The following FOXP1 variants were observed in gnomAD, a reference collection of about 807,000 sequenced individuals.
The protein encoded by FOXP1 is forkhead box protein P1.
FOXP1 carries 15 observed loss-of-function variants against 98.2 expected under a neutral mutation model. The observed-to-expected ratio is 0.15, with a 90% CI of 0.10 to 0.24. FOXP1 has a LOEUF of 0.24. Ranked by LOEUF, FOXP1 falls within the 10% of genes least tolerant of loss-of-function variation. FOXP1 has a pLI of 1.00. For missense variants in FOXP1, 633 were observed against 848.5 expected (o/e 0.75, Z 3.15); for synonymous variants, 371 against 314.5 (o/e 1.18, Z -1.90).
At chr3:71,479,087 GA>G (rs1428786660) in intron 3 of FOXP1, among the ~76,000 whole-genome samples, 1 of 152,206 alleles carries the variant, frequency 6.6e-6, no homozygotes, top group East Asian at 1.9e-4. Context: ...CCAAAAGGGG[GA>G]GGGGGTAACT....
At chr3:71,432,864 AAATT>A (rs2084854316) in intron 3 of FOXP1, among the ~76,000 whole-genome samples, 26 of 148,214 alleles carry the variant, frequency 1.8e-4, no homozygotes, top group African/African-American at 5.5e-4. Context: ...AAAAAAAAAA[AAATT>A]AAAAAAAAAA....
intron 6 of FOXP1, among the ~76,000 whole-genome samples, chr3:71,169,061 T>TC (rs1472848027): frequency 6.6e-6 from 1 of 152,170 alleles, no homozygotes; most frequent in East Asian, 1.9e-4. Flanking sequence ...GTAACTTGAT[T>TC]AAGGTGCCAG....
At chr3:71,365,982 C>T (rs1241992426) in intron 3 of FOXP1, among the ~76,000 whole-genome samples, 1 of 152,066 alleles carries the variant, frequency 6.6e-6, no homozygotes, top group African/African-American at 2.4e-5. Context: ...AAAAACAAAA[C>T]AAAACAAAAC....
intron 2 of FOXP1, among the ~76,000 whole-genome samples, chr3:71,526,700 G>C (rs1349711772): frequency 1.3e-5 from 2 of 152,320 alleles, no homozygotes; most frequent in South Asian, 2.1e-4. Flanking sequence ...AGGCACGGTG[G>C]CTCACGCCTA....
intron 6 of FOXP1, among the ~76,000 whole-genome samples, chr3:71,116,470 A>C (rs1243500940): frequency 6.6e-6 from 1 of 152,220 alleles, no homozygotes; most frequent in Admixed American, 6.5e-5. Flanking sequence ...ATGAATAAAC[A>C]CAGGTAAAAT....
chr3:71,212,001 C>G (rs1560122894), intron 5 of FOXP1, among the ~76,000 whole-genome samples: 1 of 152,168 alleles, frequency 6.6e-6, no homozygotes, highest in Non-Finnish European at 1.5e-5. Flanking sequence ...TAAAACCTAA[C>G]CAATGATATT....
chr3:71,317,316 G>T (rs1247218123), intron 4 of FOXP1, among the ~76,000 whole-genome samples: 2 of 152,152 alleles, frequency 1.3e-5, no homozygotes, highest in African/African-American at 4.8e-5. Context: ...CTGACATGAC[G>T]CCACGCTGTC....
chr3:71,290,503 A>G (rs2072630017), intron 5 of FOXP1, among the ~76,000 whole-genome samples: 1 of 152,148 alleles, frequency 6.6e-6, no homozygotes, highest in Admixed American at 6.5e-5. Flanking sequence ...GCCTCCTGAC[A>G]GGTCTCCCTG....
intron 3 of FOXP1, among the ~76,000 whole-genome samples, chr3:71,411,309 G>GTGTGTGTGTGTGTGTGTT (rs1560446775): frequency 7.5e-6 from 1 of 133,538 alleles, no homozygotes; most frequent in Non-Finnish European, 1.6e-5. Flanking sequence ...GTGTGTGTGT[G>GTGTGTGTGTGTGTGTGTT]TGTGTGTGTA....
At chr3:71,178,192 T>C (rs1445406456) in intron 6 of FOXP1, among the ~76,000 whole-genome samples, 1 of 149,884 alleles carries the variant, frequency 6.7e-6, no homozygotes, top group Non-Finnish European at 1.5e-5. Flanking sequence ...TGGAATGCAG[T>C]GGCGCGATCT....
At chr3:71,047,363 G>A (rs2049165725) in intron 9 of FOXP1, among the ~76,000 whole-genome samples, 1 of 152,182 alleles carries the variant, frequency 6.6e-6, no homozygotes, top group Non-Finnish European at 1.5e-5. Flanking sequence ...AAAGGTCTGA[G>A]TTTTGTCATC....
At chr3:71,397,060 G>GTA (rs1193824018) in intron 3 of FOXP1, among the ~76,000 whole-genome samples, 3 of 91,174 alleles carry the variant, frequency 3.3e-5, no homozygotes, top group East Asian at 2.9e-4. Flanking sequence ...ACATATATAT[G>GTA]TGTATATATA....
At chr3:71,224,721 T>C (rs1234734130) in intron 5 of FOXP1, among the ~76,000 whole-genome samples, 1 of 152,144 alleles carries the variant, frequency 6.6e-6, no homozygotes, top group Non-Finnish European at 1.5e-5. Flanking sequence ...GACAGAACCA[T>C]CCCCTCACCC....
At chr3:71,489,872 T>G (rs1014391499) in intron 3 of FOXP1, among the ~76,000 whole-genome samples, 4 of 152,238 alleles carry the variant, frequency 2.6e-5, no homozygotes, top group Non-Finnish European at 5.9e-5. Context: ...TGGTTTCGTT[T>G]CCTTGTGTTT....
At chr3:71,312,004 C>A (rs139491108) in intron 4 of FOXP1, among the ~76,000 whole-genome samples, 7 of 152,182 alleles carry the variant, frequency 4.6e-5, no homozygotes, top group African/African-American at 1.4e-4. Flanking sequence ...GAAAAGCCTA[C>A]GTAATTTAAA....
At chr3:71,417,944 G>C (rs570761006) in intron 3 of FOXP1, among the ~76,000 whole-genome samples, 16 of 151,984 alleles carry the variant, frequency 1.1e-4, no homozygotes, top group South Asian at 4.2e-4. Context: ...CTGTGGATAG[G>C]AAATGTGGTC....
intron 5 of FOXP1, among the ~76,000 whole-genome samples, chr3:71,249,130 T>G (rs1182899691): frequency 6.6e-6 from 1 of 152,246 alleles, no homozygotes; most frequent in African/African-American, 2.4e-5. Flanking sequence ...TAGAGTCATG[T>G]GGATGCCAGA....
intron 7 of FOXP1, among the ~76,000 whole-genome samples, chr3:71,087,878 C>T (rs1047550153): frequency 1.9e-4 from 29 of 152,050 alleles, no homozygotes; most frequent in African/African-American, 7.0e-4. Flanking sequence ...TCATGTGAAA[C>T]AAACAAAAAT....
intron 5 of FOXP1, among the ~76,000 whole-genome samples, chr3:71,288,029 C>A (rs1340328760): frequency 6.6e-6 from 1 of 151,750 alleles, no homozygotes; most frequent in East Asian, 2.0e-4. Context: ...TACAGGCATG[C>A]GCCACCACGC....
Sources: allele counts gnomAD v4.1 joint callset (sites outside exome capture counted in the v4.1 genomes callset), GRCh38; gene constraint gnomAD v4.1.1; transcripts MANE v1.5; gene names NCBI Gene and HGNC (gene_info 2026-07-23, HGNC 2026-07-21).